The following APPBP2 variants were observed in gnomAD, a reference collection of about 807,000 sequenced individuals.
APPBP2 encodes the protein amyloid protein-binding protein 2.
A neutral mutation model predicts 76.0 loss-of-function variants in APPBP2; 15 were observed. The ratio of observed to expected loss-of-function variants is 0.20; its 90% confidence interval spans 0.13 to 0.30. APPBP2 has a LOEUF of 0.30. Among genes scored for constraint, APPBP2 ranks in the 10% least tolerant of loss-of-function variants. The pLI, the probability that APPBP2 is intolerant of heterozygous loss-of-function variation, is 1.00. For missense variants in APPBP2, 401 were observed against 687.2 expected (o/e 0.58, Z 4.66); for synonymous variants, 222 against 242.2 (o/e 0.92, Z 0.77).
At chr17:60,525,412 C>A (rs1000024257) in intron 1 of APPBP2, among the ~76,000 whole-genome samples, 3 of 152,106 alleles carry the variant, frequency 2.0e-5, no homozygotes, top group African/African-American at 7.2e-5. Context: ...GGAAAAAAGT[C>A]CAGCTGATGC....
At chr17:60,471,854 A>G (rs2090555093) in intron 4 of APPBP2, among the ~76,000 whole-genome samples, 1 of 152,132 alleles carries the variant, frequency 6.6e-6, no homozygotes, top group African/African-American at 2.4e-5. Context: ...GGCTGGGCGC[A>G]GTGGCTCATG....
At position 60,464,101 on chromosome 17, in the gene APPBP2, A is replaced by G. The variant is rs2090493930; in HGVS notation, c.682T>C (p.Trp228Arg). Residue 228 changes from tryptophan (W) to arginine (R), a missense_variant, in exon 6 of 13, where the codon TGG becomes CGG. Coordinates refer to ENST00000083182, the MANE Select transcript of APPBP2 (RefSeq NM_006380.5). ...AKSHYDEAYKWCIEAMKEITA... is the reference protein window; with the variant it reads ...AKSHYDEAYKRCIEAMKEITA... ...ATTTCTTTCATTGCCTCGATGCACC[A>G]TTTGTATGCCTAAAAAAATTATTTA... 6.2e-7 allele frequency: 1 copy of G among 1,607,590 alleles called. No homozygotes were observed. Among genetic ancestry groups the G allele is most frequent in the Non-Finnish European group, 8.5e-7 (1 of 1,177,680 alleles).
chr17:60,458,870 T>C (rs2090453544), intron 9 of APPBP2, among the ~76,000 whole-genome samples: 1 of 151,928 alleles, frequency 6.6e-6, no homozygotes, highest in African/African-American at 2.4e-5. Flanking sequence ...ACTCCCGGGT[T>C]CAAGCGATTC....
Position 60,521,778 on chromosome 17 carries a change from AT to A in APPBP2, c.138+4015del, listed in dbSNP as rs146765975. Among the ~76,000 whole-genome samples the A allele has an allele frequency of 9.4e-3, 1,422 of 150,606 alleles. 19 individuals carry two copies. The highest frequency in any genetic ancestry group is 0.032 in the African/African-American group (1,303 of 41,112). The stretch of plus-strand genomic sequence containing the variant: ...GTTAACTTTCTTAAAACATTATGAG[AT>A]TTTTTTTTTCCTCAGCTTATCAGCT... On this transcript the variant is annotated intron_variant, in intron 1 of 12. Transcript: ENST00000083182.
chr17:60,465,880 G>T (rs2090507212), intron 5 of APPBP2, among the ~76,000 whole-genome samples: 1 of 152,148 alleles, frequency 6.6e-6, no homozygotes, highest in South Asian at 2.1e-4. Flanking sequence ...CTGTCACTCA[G>T]GCTGGAGTAC....
intron 3 of APPBP2, among the ~76,000 whole-genome samples, chr17:60,480,111 C>T (rs2090618089): frequency 6.6e-6 from 1 of 152,108 alleles, no homozygotes; most frequent in Admixed American, 6.5e-5. Flanking sequence ...AAGTAACATA[C>T]CATCATGGTA....
chr17:60,477,325 A>T (rs895202956), intron 4 of APPBP2: 18 of 152,334 alleles, frequency 1.2e-4, no homozygotes, highest in African/African-American at 4.1e-4. Context: ...ATATGTGAAT[A>T]AAAAAATAAA....
intron 1 of APPBP2, chr17:60,513,537 G>C: frequency 2.0e-6 from 1 of 501,162 alleles, no homozygotes; most frequent in South Asian, 2.3e-5. Context: ...TGGTTGTCAA[G>C]ATAGATCCAC....
At chr17:60,462,085 T>C in intron 6 of APPBP2, 24 bp from the exon 7 acceptor site, 1 of 1,578,718 alleles carries the variant, frequency 6.3e-7, no homozygotes, top group East Asian at 2.2e-5. Flanking sequence ...GAAAAATGGT[T>C]AACTCTCAAA....
At chr17:60,499,701 G>A (rs911314933) in intron 2 of APPBP2, among the ~76,000 whole-genome samples, 1 of 152,134 alleles carries the variant, frequency 6.6e-6, no homozygotes, top group Non-Finnish European at 1.5e-5. Context: ...ACAAAATGTG[G>A]TATATGCACA....
chr17:60,520,640 CCAGA>C (rs958588511), intron 1 of APPBP2, among the ~76,000 whole-genome samples: 3 of 151,676 alleles, frequency 2.0e-5, no homozygotes, highest in Non-Finnish European at 4.4e-5. Flanking sequence ...AACACTTCAC[CCAGA>C]CAAAGTTTAA....
In APPBP2 at chr17:60,445,639, T is replaced by TA; in HGVS notation, c.*1941dup. 1 of 152,452 alleles carries TA rather than the reference T, an allele frequency of 6.6e-6. No homozygotes were observed. The highest frequency in any genetic ancestry group is 1.9e-4 in the East Asian group (1 of 5,182). 9.4% of individuals were successfully genotyped at this position (152,452 alleles called of 1,614,324 possible). ...ATAGAGCTGAGTAACTTAAAAATGT[T>TA]AGTCCTTGGTCACAAAGACTATTTG... On this transcript the variant is annotated 3_prime_UTR_variant, in exon 13 of 13. Coordinates refer to ENST00000083182, the MANE Select transcript of APPBP2 (RefSeq NM_006380.5).
rs371949575 is a variant in APPBP2 at position 60,464,090 on chromosome 17, C to T, written c.693G>A (p.Glu231=). 6.2e-7 allele frequency: 1 copy of T among 1,611,528 alleles called. No homozygotes were observed. Among genetic ancestry groups the T allele is most frequent in the Non-Finnish European group, 8.5e-7 (1 of 1,178,992 alleles). Residue 231 remains glutamate, a synonymous_variant, in exon 6 of 13, where the codon GAG becomes GAA. Transcript: ENST00000083182. ...AGCCTGCTGTAATTTCTTTCATTGC[C>T]TCGATGCACCATTTGTATGCCTAAA... ...HYDEAYKWCI[E]AMKEITAGLP...
chr17:60,498,205 G>A lies in APPBP2; in HGVS notation c.227+2194C>T, dbSNP rs111917297. The stretch of plus-strand genomic sequence containing the variant: ...ACTACTACATGATGATACTTAAAAC[G>A]GGAAGATGAATTCAATCTCCCTTTC... On this transcript the variant is annotated intron_variant, in intron 2 of 12. Coordinates refer to ENST00000083182, the MANE Select transcript of APPBP2 (RefSeq NM_006380.5). Among the ~76,000 whole-genome samples the A allele has an allele frequency of 2.5e-3, 376 of 151,780 alleles. 1 individual carries two copies. The highest frequency in any genetic ancestry group is 8.8e-3 in the African/African-American group (364 of 41,414).
chr17:60,498,388 T>G (rs1171091866), intron 2 of APPBP2, among the ~76,000 whole-genome samples: 1 of 152,204 alleles, frequency 6.6e-6, no homozygotes, highest in Non-Finnish European at 1.5e-5. Flanking sequence ...TGGCAAAGAC[T>G]TCTTGAGTTG....
intron 4 of APPBP2, among the ~76,000 whole-genome samples, chr17:60,467,352 A>G (rs2090519370): frequency 6.6e-6 from 1 of 152,222 alleles, no homozygotes; most frequent in Admixed American, 6.5e-5. Context: ...TTTTCTATCT[A>G]TACCACAATT....
rs1325516246 is a variant in APPBP2, at chr17:60,445,144, A to T, written c.*2437T>A. On this transcript the variant is annotated 3_prime_UTR_variant, in exon 13 of 13. Coordinates refer to ENST00000083182, the MANE Select transcript of APPBP2 (RefSeq NM_006380.5). ...GCACATTAAGTCATATCCCTAACCAAAATGGCAATGTTTTCTTAAGCTAGA... is the reference window on the plus strand; with the variant it reads ...GCACATTAAGTCATATCCCTAACCATAATGGCAATGTTTTCTTAAGCTAGA... 1 of 152,318 alleles carries T rather than the reference A, an allele frequency of 6.6e-6. No homozygotes were observed. The highest frequency in any genetic ancestry group is 1.5e-5 in the Non-Finnish European group (1 of 68,026). The allele number at this position is 152,318 out of a possible 1,614,324, so 9.4% of individuals were successfully genotyped here. A position where few individuals can be genotyped will look rare whatever the true frequency, so the allele number is the denominator to read the frequency against.
intron 1 of APPBP2, among the ~76,000 whole-genome samples, chr17:60,507,013 C>T (rs1422755588): frequency 1.3e-5 from 2 of 151,898 alleles, no homozygotes; most frequent in East Asian, 1.9e-4. Flanking sequence ...TCCAGCCTGG[C>T]GATAGAGCAA....
At chr17:60,505,693 T>TGTTTG (rs1456203252) in intron 1 of APPBP2, among the ~76,000 whole-genome samples, 14 of 141,144 alleles carry the variant, frequency 9.9e-5, no homozygotes, top group Admixed American at 3.5e-4. Flanking sequence ...TTTTTTTTTT[T>TGTTTG]TTTTTTTTTT....
Sources: gnomAD v4.1 joint callset for allele counts (sites outside exome capture counted in the v4.1 genomes callset) on GRCh38, gnomAD v4.1.1 for gene constraint, MANE v1.5 for transcripts, NCBI Gene and HGNC (gene_info 2026-07-23, HGNC 2026-07-21) for gene names.